CD96: variants seen among roughly 807,000 people sequenced by gnomAD.
CD96 encodes the protein CD96 molecule.
A neutral mutation model predicts 71.3 loss-of-function variants in CD96; 70 were observed. The ratio of observed to expected loss-of-function variants is 0.98; its 90% CI spans 0.81 to 1.20. The LOEUF (loss-of-function observed/expected upper bound fraction) is 1.20, where lower values mean the gene tolerates loss of function less well. CD96 is among the 50% of genes most tolerant of loss of function. The probability of loss-of-function intolerance (pLI) is 0.00; values close to 1 mark genes in which losing one functional copy is unlikely to be tolerated. For missense variants in CD96, 742 were observed against 677.5 expected, an observed-to-expected ratio of 1.10 and a Z score of -1.06; for synonymous variants, 248 against 233.0, an observed-to-expected ratio of 1.06 and a Z score of -0.59.
At chr3:111,620,686 T>A (rs1938477168) in intron 8 of CD96, among the ~76,000 whole-genome samples, 1 of 152,168 alleles carries the variant, frequency 6.6e-6, no homozygotes, top group Non-Finnish European at 1.5e-5. Context: ...GTATCATTGA[T>A]CTTTTTGTTC....
At chr3:111,570,627 A>G in intron 3 of CD96, 5 of 1,594,562 alleles carry the variant, frequency 3.1e-6, no homozygotes, top group South Asian at 1.1e-5. Flanking sequence ...CACCAGGCGC[A>G]TGGCAGCTCA....
chr3:111,645,191 A>G (rs1349292834), intron 12 of CD96, among the ~76,000 whole-genome samples: 1 of 152,172 alleles, frequency 6.6e-6, no homozygotes, highest in Admixed American at 6.5e-5. Flanking sequence ...CTACATAGCC[A>G]TAAAAAGGAA....
chr3:111,558,922 T>A (rs1473680276), intron 2 of CD96, among the ~76,000 whole-genome samples: 1 of 152,288 alleles, frequency 6.6e-6, no homozygotes, highest in African/African-American at 2.4e-5. Context: ...AACTTCTTCC[T>A]GGTTTAGTCT....
chr3:111,549,322 GTAT>G (rs1306925952), intron 2 of CD96, among the ~76,000 whole-genome samples: 1 of 152,106 alleles, frequency 6.6e-6, no homozygotes, highest in African/African-American at 2.4e-5. Flanking sequence ...ATTTTAAAAG[GTAT>G]TATGGCTGGA....
At chr3:111,641,687 C>T (rs764219952) in intron 12 of CD96, among the ~76,000 whole-genome samples, 3 of 152,026 alleles carry the variant, frequency 2.0e-5, no homozygotes, top group Admixed American at 6.6e-5. Flanking sequence ...CAACAACTGC[C>T]GAATACACAC....
intron 2 of CD96, among the ~76,000 whole-genome samples, chr3:111,558,099 A>G (rs1175721969): frequency 1.4e-5 from 2 of 145,258 alleles, no homozygotes; most frequent in African/African-American, 2.6e-5. Flanking sequence ...GCTTAAGGAG[A>G]TTTTGGGCTG....
At chr3:111,545,004 T>C (rs760558541) in intron 1 of CD96, 42 bp from the exon 2 acceptor site, 2 of 1,515,314 alleles carry the variant, frequency 1.3e-6, no homozygotes, top group Non-Finnish European at 9.2e-7. Flanking sequence ...CGTCATTCTA[T>C]GTGAATTATT....
chr3:111,609,603 A>G (rs1313792647), intron 8 of CD96, among the ~76,000 whole-genome samples: 1 of 152,226 alleles, frequency 6.6e-6, no homozygotes, highest in Non-Finnish European at 1.5e-5. Flanking sequence ...TTCAAAGCAA[A>G]AGAAAGCAGT....
chr3:111,567,741 C>A, intron 3 of CD96, 94 bp downstream of exon 3: 1 of 1,141,956 alleles, frequency 8.8e-7, no homozygotes, highest in Non-Finnish European at 1.3e-6. Flanking sequence ...AGGAAGCATA[C>A]AAATAACAGG....
chr3:111,661,922 G>A (rs113143022), intron 14 of CD96, among the ~76,000 whole-genome samples: 3,560 of 152,288 alleles, frequency 0.023, 151 homozygotes, highest in African/African-American at 0.082. Flanking sequence ...ATGTATGGGG[G>A]TTCCAAGCTC....
downstream of CD96, among the ~76,000 whole-genome samples, chr3:111,653,964 A>G (rs765212715): frequency 6.6e-6 from 1 of 152,210 alleles, no homozygotes; most frequent in Non-Finnish European, 1.5e-5. Flanking sequence ...CAAGATCAGA[A>G]GTTGAAAAGA....
intron 8 of CD96, among the ~76,000 whole-genome samples, chr3:111,609,225 T>C (rs1937783106): frequency 6.6e-6 from 1 of 152,138 alleles, no homozygotes; most frequent in Non-Finnish European, 1.5e-5. Flanking sequence ...GGTGGTATTG[T>C]GTACCAAAAA....
At chr3:111,653,493 G>C (rs141180886), downstream of CD96, among the ~76,000 whole-genome samples, 1 of 152,198 alleles carries the variant, frequency 6.6e-6, no homozygotes, top group Non-Finnish European at 1.5e-5. Context: ...TTAACAAGAA[G>C]ATATGGTTGA....
At chr3:111,663,534 C>G (rs1383924430) in intron 14 of CD96, among the ~76,000 whole-genome samples, 1 of 152,110 alleles carries the variant, frequency 6.6e-6, no homozygotes, top group East Asian at 1.9e-4. Flanking sequence ...AAAACAACTC[C>G]TTTTAAAAAA....
chr3:111,631,782 A>G (rs1939074864), intron 10 of CD96, among the ~76,000 whole-genome samples: 1 of 152,214 alleles, frequency 6.6e-6, no homozygotes, highest in Non-Finnish European at 1.5e-5. Flanking sequence ...GAACACACAC[A>G]TAGACGAATA....
chr3:111,630,585 A>G (rs1939010648), intron 10 of CD96, among the ~76,000 whole-genome samples: 1 of 152,226 alleles, frequency 6.6e-6, no homozygotes, highest in Non-Finnish European at 1.5e-5. Flanking sequence ...AGGAACAAAG[A>G]AGAACTGGTA....
chr3:111,591,402 A>G (rs1936980248), intron 5 of CD96, among the ~76,000 whole-genome samples: 1 of 145,754 alleles, frequency 6.9e-6, no homozygotes, highest in Admixed American at 6.8e-5. Context: ...AAAAGACACC[A>G]GAACCTAAAT....
At chr3:111,605,433 G>GA (rs1289125648) in intron 7 of CD96, among the ~76,000 whole-genome samples, 5 of 152,074 alleles carry the variant, frequency 3.3e-5, no homozygotes, top group African/African-American at 1.2e-4. Flanking sequence ...GAGAGAGATG[G>GA]AAAAAATGAT....
chr3:111,609,646 G>A (rs910813930), intron 8 of CD96, among the ~76,000 whole-genome samples: 1 of 152,116 alleles, frequency 6.6e-6, no homozygotes, highest in African/African-American at 2.4e-5. Context: ...ATTTAATATA[G>A]TTTTAGTATT....
Sources: allele counts gnomAD v4.1 joint callset (sites outside exome capture counted in the v4.1 genomes callset), GRCh38; gene constraint gnomAD v4.1.1; transcripts MANE v1.5; gene names NCBI Gene and HGNC (gene_info 2026-07-23, HGNC 2026-07-21).